The following ZSWIM6 variants were observed in gnomAD, a reference collection of about 807,000 sequenced individuals.
The protein encoded by ZSWIM6 is zinc finger SWIM-type containing 6, also known as zinc finger SWIM domain-containing protein 6.
Under a neutral mutation model 113.2 loss-of-function variants are expected in ZSWIM6, and 9 were observed. The ratio of observed to expected loss-of-function variants is 0.08; its 90% CI spans 0.05 to 0.14. The LOEUF (loss-of-function observed/expected upper bound fraction) is 0.14. Among genes scored for constraint, ZSWIM6 ranks in the 10% least tolerant of loss-of-function variants. The probability of loss-of-function intolerance (pLI) is 1.00; values close to 1 mark genes in which losing one functional copy is unlikely to be tolerated. For missense variants in ZSWIM6, 1,162 were observed against 1,552.2 expected (o/e 0.75, Z 4.22); for synonymous variants, 611 against 606.5 (o/e 1.01, Z -0.11).
At chr5:61,418,599 A>G (rs936741177) in intron 1 of ZSWIM6, among the ~76,000 whole-genome samples, 14 of 152,058 alleles carry the variant, frequency 9.2e-5, no homozygotes, top group Admixed American at 7.9e-4. Context: ...TCTAGTGACT[A>G]TCTAGATGAG....
chr5:61,391,510 T>G, intron 1 of ZSWIM6: 2 of 1,206,506 alleles, frequency 1.7e-6, no homozygotes, highest in Non-Finnish European at 2.5e-6. Context: ...TTTATGCCGG[T>G]TTTTATAGAA....
intron 1 of ZSWIM6, among the ~76,000 whole-genome samples, chr5:61,361,366 A>G (rs993122368): frequency 1.3e-5 from 2 of 152,114 alleles, no homozygotes; most frequent in African/African-American, 4.8e-5. Flanking sequence ...ACCTGGAAAA[A>G]TCTCCAGTTT....
At chr5:61,407,702 A>G (rs1046608673) in intron 1 of ZSWIM6, among the ~76,000 whole-genome samples, 3 of 152,270 alleles carry the variant, frequency 2.0e-5, no homozygotes, top group African/African-American at 4.8e-5. Flanking sequence ...ACAGAGAAAT[A>G]CAAATGGCTT....
rs114850303 is a variant in ZSWIM6 at position 61,391,622 on chromosome 5, T to G, written c.676+58674T>G. The G allele has an allele frequency of 2.8e-3, 2,529 of 912,416 alleles. 44 individuals are homozygous for G. In the African/African-American group the frequency reaches 0.036, roughly 13 times the overall value. The allele number at this position is 912,416 out of a possible 1,614,324, so 56.5% of individuals were successfully genotyped here. On this transcript the variant is annotated intron_variant, in intron 1 of 13. Transcript: ENST00000252744. ...AAGCCCACAATGGCCACAACCACCA[T>G]GGGTGGTATCTCCACAATGGTCACA...
At chr5:61,511,362 C>T (rs1375699080) in intron 4 of ZSWIM6, among the ~76,000 whole-genome samples, 1 of 152,070 alleles carries the variant, frequency 6.6e-6, no homozygotes, top group African/African-American at 2.4e-5. Flanking sequence ...TCATAGAACT[C>T]ATTGTTTAAA....
intron 1 of ZSWIM6, among the ~76,000 whole-genome samples, chr5:61,402,678 C>T (rs1745961863): frequency 6.6e-6 from 1 of 152,128 alleles, no homozygotes; most frequent in Non-Finnish European, 1.5e-5. Flanking sequence ...ACTGGAACTC[C>T]AATATAAGGT....
chr5:61,471,762 TC>T (rs1747577527), intron 1 of ZSWIM6, among the ~76,000 whole-genome samples: 1 of 152,172 alleles, frequency 6.6e-6, no homozygotes, highest in African/African-American at 2.4e-5. Flanking sequence ...CTGAAACCAT[TC>T]CCTTCCCCCA....
intron 1 of ZSWIM6, chr5:61,391,140 G>T: frequency 1.3e-6 from 1 of 775,592 alleles, no homozygotes. Context: ...GGCCTCGATG[G>T]GTCTTGTGGG....
chr5:61,351,737 G>A (rs928050239), intron 1 of ZSWIM6, among the ~76,000 whole-genome samples: 1 of 152,032 alleles, frequency 6.6e-6, no homozygotes, highest in Non-Finnish European at 1.5e-5. Flanking sequence ...GTGAAGTTTA[G>A]ACTGGATTAG....
rs571067306 is a variant in ZSWIM6, at chr5:61,539,681, T to G, written c.2625T>G (p.Asp875Glu). 65 of 1,551,952 alleles carry G rather than the reference T, an allele frequency of 4.2e-5. No individual in the cohort carries two copies. Among genetic ancestry groups the G allele is most frequent in the Non-Finnish European group, 5.0e-5 (57 of 1,147,042 alleles). ...CACACATCTTCAAGCTTGCCCAAGA[T>G]GCATTTAAAATAGCAACTCTCATGG... ...SSSHIFKLAQ[D>E]AFKIATLMDS... The change falls in exon 12 of 14, where the codon GAT becomes GAG. Residue 875 changes from aspartate (D) to glutamate (E), a missense_variant. Physicochemically the swap from Asp to Glu is conservative, Grantham distance 45 (BLOSUM62 2). Transcript: ENST00000252744.
chr5:61,491,454 T>G (rs934687358), intron 3 of ZSWIM6, among the ~76,000 whole-genome samples: 3 of 152,072 alleles, frequency 2.0e-5, no homozygotes, highest in African/African-American at 7.2e-5. Flanking sequence ...ATTTTCTCAT[T>G]CAGAAAATTA....
intron 1 of ZSWIM6, among the ~76,000 whole-genome samples, chr5:61,382,093 A>C (rs534998594): frequency 6.6e-6 from 1 of 152,324 alleles, no homozygotes; most frequent in South Asian, 2.1e-4. Context: ...TGCAACCAAG[A>C]CTAAGTAGCA....
intron 1 of ZSWIM6, among the ~76,000 whole-genome samples, chr5:61,428,354 G>T (rs1462209109): frequency 1.3e-5 from 2 of 152,044 alleles, no homozygotes; most frequent in African/African-American, 4.8e-5. Flanking sequence ...AGCCATTTTG[G>T]TGATTCTCTT....
chr5:61,499,482 A>T (rs13165663), intron 4 of ZSWIM6, among the ~76,000 whole-genome samples: 19,510 of 152,144 alleles, frequency 0.13, 1,373 homozygotes, highest in Middle Eastern at 0.18. Flanking sequence ...AAACATTAGG[A>T]GATGTGATAA....
At chr5:61,342,032 A>G (rs957858100) in intron 1 of ZSWIM6, among the ~76,000 whole-genome samples, 1 of 151,926 alleles carries the variant, frequency 6.6e-6, no homozygotes, top group Non-Finnish European at 1.5e-5. Context: ...GACATGCGCC[A>G]TGACGCCTGG....
chr5:61,463,773 T>C (rs1171079989), intron 1 of ZSWIM6, among the ~76,000 whole-genome samples: 1 of 152,122 alleles, frequency 6.6e-6, no homozygotes, highest in Admixed American at 6.5e-5. Context: ...GGCCAGAGCA[T>C]TTAGTTATTT....
intron 2 of ZSWIM6, among the ~76,000 whole-genome samples, chr5:61,474,600 C>T (rs905360595): frequency 6.6e-6 from 1 of 152,144 alleles, no homozygotes; most frequent in African/African-American, 2.4e-5. Context: ...TACTGATTCA[C>T]ACGTCACAAC....
At position 61,543,501 on chromosome 5, in the gene ZSWIM6, T is replaced by C. The variant is rs894964455; in HGVS notation, c.2832T>C (p.Phe944=). 1 of 1,551,106 alleles carries C rather than the reference T, an allele frequency of 6.4e-7. No homozygotes were observed. The highest frequency in any genetic ancestry group is 8.7e-7 in the Non-Finnish European group (1 of 1,146,910). ...TCATGCAGACCTGGTTTACACTCTT[T>C]ACTCCCACCGAGGCCACAAGTATAG... ...DSIMQTWFTL[F]TPTEATSIVA... The change falls in exon 14 of 14, where the codon TTT becomes TTC. Residue 944 remains phenylalanine, a synonymous_variant. Transcript: ENST00000252744. This position sits in a 1 kb window ranked among gnomAD's most constrained non-coding sequence, Gnocchi z 4.3.
intron 4 of ZSWIM6, among the ~76,000 whole-genome samples, chr5:61,520,011 G>T (rs114831705): frequency 3.3e-5 from 5 of 152,220 alleles, no homozygotes; most frequent in Admixed American, 3.3e-4. Context: ...ATACTTGTTC[G>T]TCTGCCATTC....
Sources: gnomAD v4.1 joint callset for allele counts (sites outside exome capture counted in the v4.1 genomes callset) on GRCh38, gnomAD v4.1.1 for gene constraint, Gnocchi (gnomAD v3.1) non-coding constraint, MANE v1.5 for transcripts, NCBI Gene and HGNC (gene_info 2026-07-23, HGNC 2026-07-21) for gene names.